ANKS1B: variants seen among roughly 807,000 people sequenced by gnomAD.
The protein encoded by ANKS1B is ankyrin repeat and sterile alpha motif domain-containing protein 1B.
ANKS1B carries 36 observed loss-of-function variants against 148.3 expected under a neutral mutation model. That is an observed-to-expected ratio of 0.24 (90% CI 0.19 to 0.32). The LOEUF (loss-of-function observed/expected upper bound fraction) is 0.32. ANKS1B is among the 10% of genes least tolerant of loss of function. The pLI is 1.00. For synonymous variants in ANKS1B, 542 were observed against 560.8 expected, an observed-to-expected ratio of 0.97 and a Z score of 0.47; for missense variants, 1,157 against 1,542.6, an observed-to-expected ratio of 0.75 and a Z score of 4.19.
intron 10 of ANKS1B, among the ~76,000 whole-genome samples, chr12:99,471,147 CTT>C (rs1284500364): frequency 6.6e-6 from 1 of 152,032 alleles, no homozygotes; most frequent in Non-Finnish European, 1.5e-5. Context: ...CATCTTTCCT[CTT>C]TTTTTCTTAA....
At chr12:99,873,134 A>C (rs2153730174) in intron 1 of ANKS1B, among the ~76,000 whole-genome samples, 1 of 152,304 alleles carries the variant, frequency 6.6e-6, no homozygotes, top group South Asian at 2.1e-4. Flanking sequence ...TCAATCACTT[A>C]GCACTGTGTC....
At chr12:99,598,538 T>C (rs1255982314) in intron 9 of ANKS1B, among the ~76,000 whole-genome samples, 6 of 152,090 alleles carry the variant, frequency 3.9e-5, no homozygotes, top group Admixed American at 2.6e-4. Flanking sequence ...GTGGCCCATA[T>C]TCATAACCAC....
chr12:99,070,703 G>A (rs2045980211), intron 16 of ANKS1B, among the ~76,000 whole-genome samples: 1 of 152,150 alleles, frequency 6.6e-6, no homozygotes, highest in Non-Finnish European at 1.5e-5. Context: ...TTTAGAGACA[G>A]GGTCTCATTC....
chr12:98,914,115 T>C (rs1019956532), intron 17 of ANKS1B, among the ~76,000 whole-genome samples: 8 of 152,134 alleles, frequency 5.3e-5, no homozygotes, highest in African/African-American at 1.4e-4. Context: ...GTTTGGATCA[T>C]GGCGGCGGAT....
chr12:98,926,438 T>C (rs910850938), intron 17 of ANKS1B, among the ~76,000 whole-genome samples: 2 of 152,112 alleles, frequency 1.3e-5, no homozygotes, highest in South Asian at 2.1e-4. Flanking sequence ...AATTCCAGAA[T>C]TGCCACACTA....
At chr12:99,377,127 C>T (rs1055627227) in intron 12 of ANKS1B, among the ~76,000 whole-genome samples, 6 of 152,118 alleles carry the variant, frequency 3.9e-5, no homozygotes, top group Admixed American at 1.3e-4. Flanking sequence ...CCTGCCTCAG[C>T]CTCCCAAGTA....
chr12:99,152,923 T>C (rs1240831799), intron 15 of ANKS1B, among the ~76,000 whole-genome samples: 1 of 152,160 alleles, frequency 6.6e-6, no homozygotes, highest in Non-Finnish European at 1.5e-5. Context: ...TTCATAGCAA[T>C]TGAAGAACTT....
At chr12:99,292,318 C>T (rs1182602843) in intron 12 of ANKS1B, among the ~76,000 whole-genome samples, 2 of 143,264 alleles carry the variant, frequency 1.4e-5, no homozygotes, top group Non-Finnish European at 3.0e-5. Context: ...CAGTGAACCC[C>T]ATCTCTACTA....
chr12:99,412,336 C>T (rs1395464236), intron 11 of ANKS1B, among the ~76,000 whole-genome samples: 1 of 152,156 alleles, frequency 6.6e-6, no homozygotes, highest in Non-Finnish European at 1.5e-5. Flanking sequence ...GGGTCCTTCA[C>T]CTTCCTTAGA....
intron 15 of ANKS1B, among the ~76,000 whole-genome samples, chr12:99,122,620 A>AATTCAG (rs1452200660): frequency 6.6e-6 from 1 of 152,216 alleles, no homozygotes; most frequent in African/African-American, 2.4e-5. Context: ...ATGTCTAATC[A>AATTCAG]ATTCAGAAAA....
intron 8 of ANKS1B, among the ~76,000 whole-genome samples, chr12:99,659,442 T>C (rs1283424737): frequency 6.6e-6 from 1 of 152,182 alleles, no homozygotes; most frequent in Non-Finnish European, 1.5e-5. Flanking sequence ...TTTGAACCCA[T>C]TAGCTTTCTT....
At chr12:99,409,134 T>C (rs550642918) in intron 11 of ANKS1B, among the ~76,000 whole-genome samples, 2 of 152,256 alleles carry the variant, frequency 1.3e-5, no homozygotes, top group Non-Finnish European at 2.9e-5. Context: ...AAAGAAAATG[T>C]GGTACATAAA....
intron 17 of ANKS1B, among the ~76,000 whole-genome samples, chr12:98,962,145 A>T (rs915291971): frequency 7.0e-5 from 9 of 128,474 alleles, no homozygotes; most frequent in Admixed American, 2.3e-4. Context: ...CTGAATGGAT[A>T]AAAAAAAAAA....
At chr12:99,095,927 C>T (rs576902324) in intron 15 of ANKS1B, among the ~76,000 whole-genome samples, 1 of 152,262 alleles carries the variant, frequency 6.6e-6, no homozygotes, top group South Asian at 2.1e-4. Flanking sequence ...CTATTAAAAA[C>T]TAAAACGGAT....
chr12:99,924,285 G>A (rs141716476), intron 1 of ANKS1B, among the ~76,000 whole-genome samples: 17 of 151,964 alleles, frequency 1.1e-4, no homozygotes, highest in African/African-American at 2.9e-4. Context: ...ACTGCTTGGT[G>A]TATTACAGAT....
At chr12:99,211,404 C>T (rs1057218923) in intron 14 of ANKS1B, among the ~76,000 whole-genome samples, 2 of 152,184 alleles carry the variant, frequency 1.3e-5, no homozygotes, top group Non-Finnish European at 2.9e-5. Flanking sequence ...TCTGCTTTAA[C>T]CTTTAGAAGG....
At chr12:99,693,703 G>A (rs2053467935) in intron 8 of ANKS1B, among the ~76,000 whole-genome samples, 1 of 150,794 alleles carries the variant, frequency 6.6e-6, no homozygotes, top group Admixed American at 6.6e-5. Context: ...ATTGAGAGAA[G>A]ATACCAGGCA....
intron 11 of ANKS1B, among the ~76,000 whole-genome samples, chr12:99,412,963 T>C (rs559960784): frequency 6.6e-6 from 1 of 152,364 alleles, no homozygotes; most frequent in South Asian, 2.1e-4. Flanking sequence ...ATGAATATGA[T>C]GTTAATGTGA....
intron 14 of ANKS1B, among the ~76,000 whole-genome samples, chr12:99,178,522 G>GGGCCC (rs985016170): frequency 6.6e-6 from 1 of 152,134 alleles, no homozygotes; most frequent in Admixed American, 6.5e-5. Context: ...AGAGGGCTGG[G>GGGCCC]GGCCCTTTTT....
Sources: gnomAD v4.1 joint callset for allele counts (sites outside exome capture counted in the v4.1 genomes callset) on GRCh38, gnomAD v4.1.1 for gene constraint, MANE v1.5 for transcripts, NCBI Gene and HGNC (gene_info 2026-07-23, HGNC 2026-07-21) for gene names.